LRP1B: variants seen among roughly 807,000 people sequenced by gnomAD.
The protein encoded by LRP1B is low-density lipoprotein receptor-related protein 1B.
Under a neutral mutation model 556.6 loss-of-function variants are expected in LRP1B, and 217 were observed. The observed-to-expected ratio is 0.39, with a 90% confidence interval of 0.35 to 0.44. The LOEUF is 0.44. Ranked by LOEUF, LRP1B falls within the 20% of genes least tolerant of loss-of-function variation. The pLI is 1.00. For missense variants in LRP1B, 5,053 were observed against 5,620.8 expected (o/e 0.90, Z 3.23); for synonymous variants, 2,047 against 1,865.8 (o/e 1.10, Z -2.50).
chr2:140,460,583 T>C (rs1206183458), intron 60 of LRP1B, among the ~76,000 whole-genome samples: 1 of 152,152 alleles, frequency 6.6e-6, no homozygotes, highest in Admixed American at 6.6e-5. Context: ...TGCATTTGCT[T>C]AACTAACAGA....
At chr2:141,939,922 A>G (rs1700746369) in intron 1 of LRP1B, among the ~76,000 whole-genome samples, 1 of 152,160 alleles carries the variant, frequency 6.6e-6, no homozygotes, top group Admixed American at 6.5e-5. Context: ...CAAGCTTATG[A>G]AAATGATTAA....
intron 1 of LRP1B, among the ~76,000 whole-genome samples, chr2:142,126,817 T>A (rs937830082): frequency 6.6e-6 from 1 of 151,870 alleles, no homozygotes; most frequent in African/African-American, 2.4e-5. Context: ...TAAAGTTCCC[T>A]CAACATCATA....
At chr2:141,315,494 C>T (rs552468543) in intron 3 of LRP1B, among the ~76,000 whole-genome samples, 110 of 151,510 alleles carry the variant, frequency 7.3e-4, no homozygotes, top group Non-Finnish European at 1.2e-3. Flanking sequence ...CTCCTGACCT[C>T]GTGATCCACC....
chr2:141,133,759 T>G (rs910843307), intron 7 of LRP1B, among the ~76,000 whole-genome samples: 2 of 152,026 alleles, frequency 1.3e-5, no homozygotes, highest in Non-Finnish European at 2.9e-5. Context: ...TATATGTATG[T>G]TGCATTAGTG....
At chr2:140,999,379 G>C (rs761967388) in intron 15 of LRP1B, among the ~76,000 whole-genome samples, 1 of 151,880 alleles carries the variant, frequency 6.6e-6, no homozygotes, top group Non-Finnish European at 1.5e-5. Context: ...TTGCATTGGG[G>C]TTACCTCATG....
intron 84 of LRP1B, among the ~76,000 whole-genome samples, chr2:140,297,491 G>C (rs1262109603): frequency 6.6e-6 from 1 of 152,112 alleles, no homozygotes; most frequent in African/African-American, 2.4e-5. Context: ...ATTCAGGAGA[G>C]ATGGAGAATT....
chr2:140,823,832 G>A (rs948367312), intron 31 of LRP1B, among the ~76,000 whole-genome samples: 20 of 151,820 alleles, frequency 1.3e-4, no homozygotes, highest in Non-Finnish European at 2.2e-4. Context: ...ACTACTACAG[G>A]AACAGAAAAC....
intron 9 of LRP1B, 39 bp downstream of exon 9, chr2:141,058,844 C>A (rs1699257932): frequency 1.3e-6 from 2 of 1,504,572 alleles, no homozygotes; most frequent in African/African-American, 1.4e-5. Context: ...CCCATTCAAT[C>A]TACCATTAGG....
intron 20 of LRP1B, among the ~76,000 whole-genome samples, chr2:140,939,235 A>G (rs542605513): frequency 6.6e-6 from 1 of 152,148 alleles, no homozygotes; most frequent in Non-Finnish European, 1.5e-5. Flanking sequence ...AAAAGTACAA[A>G]CACAAGATAA....
At chr2:141,126,071 C>T (rs1432325085) in intron 7 of LRP1B, among the ~76,000 whole-genome samples, 1 of 149,586 alleles carries the variant, frequency 6.7e-6, no homozygotes, top group Admixed American at 6.7e-5. Context: ...CTGGCTCTGT[C>T]GCCAGGCTGG....
chr2:141,025,536 C>T (rs966968924), intron 11 of LRP1B, among the ~76,000 whole-genome samples: 1 of 152,004 alleles, frequency 6.6e-6, no homozygotes, highest in South Asian at 2.1e-4. Flanking sequence ...GTGGGTTCGC[C>T]TCATCCAATC....
chr2:141,461,260 A>T (rs536357878), intron 3 of LRP1B, among the ~76,000 whole-genome samples: 1 of 152,308 alleles, frequency 6.6e-6, no homozygotes, highest in South Asian at 2.1e-4. Context: ...AAGGAGGAGG[A>T]ACTGATCAAC....
At chr2:141,187,712 T>C (rs1681319345) in intron 7 of LRP1B, among the ~76,000 whole-genome samples, 1 of 151,952 alleles carries the variant, frequency 6.6e-6, no homozygotes, top group Non-Finnish European at 1.5e-5. Flanking sequence ...ACAAAGATGA[T>C]GGGAATTTAA....
intron 41 of LRP1B, among the ~76,000 whole-genome samples, chr2:140,696,275 C>T (rs1686426962): frequency 6.6e-6 from 1 of 151,946 alleles, no homozygotes; most frequent in East Asian, 1.9e-4. Flanking sequence ...CTTTTTTGGT[C>T]TGGCAAGTTA....
chr2:141,028,360 TAAAGA>T (rs1400039934), intron 11 of LRP1B, among the ~76,000 whole-genome samples: 1 of 151,662 alleles, frequency 6.6e-6, no homozygotes, highest in Non-Finnish European at 1.5e-5. Flanking sequence ...ATGTATCTCT[TAAAGA>T]AAAAGAATCT....
intron 4 of LRP1B, among the ~76,000 whole-genome samples, chr2:141,252,255 TA>T (rs1487094180): frequency 2.1e-5 from 2 of 95,264 alleles, no homozygotes; most frequent in South Asian, 3.3e-4. Context: ...CAATGGCAAA[TA>T]AAGGAAAACA....
At chr2:140,627,971 C>G (rs1002355344) in intron 41 of LRP1B, among the ~76,000 whole-genome samples, 2 of 152,164 alleles carry the variant, frequency 1.3e-5, no homozygotes, top group Non-Finnish European at 2.9e-5. Flanking sequence ...TTGTGCCTCT[C>G]AGTAATGAGA....
rs567417870 is a variant in LRP1B at position 140,424,145 on chromosome 2, A to G, written c.10414+18359T>C. ...CCTGAATTTTAAAATCAAGAAAGAG[A>G]TCAGGAAGAAGCACTGAGTGGGGAG... On this transcript the variant is annotated intron_variant, in intron 66 of 90. Coordinates refer to ENST00000389484, the MANE Select transcript of LRP1B (RefSeq NM_018557.3). Among the ~76,000 whole-genome samples, 3 of 152,294 alleles carry G rather than the reference A, an allele frequency of 2.0e-5. No homozygotes were observed. In the South Asian group the frequency reaches 6.2e-4, roughly 32 times the overall value.
At chr2:141,182,287 G>A (rs1044222214) in intron 7 of LRP1B, among the ~76,000 whole-genome samples, 1 of 151,872 alleles carries the variant, frequency 6.6e-6, no homozygotes, top group Non-Finnish European at 1.5e-5. Context: ...GAATCTGTGG[G>A]CTATAGATAA....
Sources: gnomAD v4.1 joint callset for allele counts (sites outside exome capture counted in the v4.1 genomes callset) on GRCh38, gnomAD v4.1.1 for gene constraint, MANE v1.5 for transcripts, NCBI Gene and HGNC (gene_info 2026-07-23, HGNC 2026-07-21) for gene names.